NCKAP1: variants seen among roughly 807,000 people sequenced by gnomAD.
The protein encoded by NCKAP1 is NCK associated protein 1.
NCKAP1 carries 21 observed loss-of-function variants against 151.2 expected under a neutral mutation model. The observed-to-expected ratio is 0.14, with a 90% CI of 0.10 to 0.20. NCKAP1 has a LOEUF of 0.20. NCKAP1 is among the 10% of genes least tolerant of loss of function. NCKAP1 has a pLI of 1.00. For missense variants in NCKAP1, 933 were observed against 1,352.1 expected, an observed-to-expected ratio of 0.69 and a Z score of 4.86; for synonymous variants, 484 against 451.8, an observed-to-expected ratio of 1.07 and a Z score of -0.90.
At chr2:182,948,410 C>T (rs73046211) in intron 23 of NCKAP1, among the ~76,000 whole-genome samples, 6,774 of 152,024 alleles carry the variant, frequency 0.045, 509 homozygotes, top group African/African-American at 0.15. Flanking sequence ...ACAGTCGTTC[C>T]GCATTCCCCT....
chr2:183,000,789 T>C (rs996998495), intron 6 of NCKAP1, among the ~76,000 whole-genome samples: 11 of 152,140 alleles, frequency 7.2e-5, no homozygotes, highest in Non-Finnish European at 1.5e-5. Context: ...GTGTTAACTG[T>C]ATGCCAAGAA....
intron 6 of NCKAP1, among the ~76,000 whole-genome samples, chr2:183,001,139 T>G (rs1698367030): frequency 1.3e-5 from 2 of 152,174 alleles, no homozygotes; most frequent in African/African-American, 4.8e-5. Flanking sequence ...TAGTTTAACT[T>G]TTATGATTCA....
At position 182,978,765 on chromosome 2, in the gene NCKAP1, A is replaced by C. The variant is rs1215775600; in HGVS notation, c.1423+69T>G. On this transcript the variant is annotated intron_variant, in intron 14 of 30. Transcript: ENST00000361354. ...CATTAGCCAAATTAATTGGTAAATT[A>C]TCTCCTTAATAATCAAGTTTGAAAA... 7 of 885,302 alleles carry C rather than the reference A, an allele frequency of 7.9e-6. No individual in the cohort carries two copies. In the South Asian group the frequency reaches 1.7e-4, roughly 22 times the overall value. The allele number at this position is 885,302 out of a possible 1,614,324, so 54.8% of individuals were successfully genotyped here. A position where few individuals can be genotyped will look rare whatever the true frequency, so the allele number is the denominator to read the frequency against.
At chr2:182,974,362 T>C (rs1191469532) in intron 15 of NCKAP1, among the ~76,000 whole-genome samples, 1 of 151,546 alleles carries the variant, frequency 6.6e-6, no homozygotes, top group Non-Finnish European at 1.5e-5. Flanking sequence ...TTGAATTGTA[T>C]CCCCGAAGAA....
chr2:183,003,016 T>C lies in NCKAP1; in HGVS notation c.327A>G (p.Glu109=). The change falls in exon 4 of 31, where the codon GAA becomes GAG. Residue 109 remains glutamate (E), a synonymous_variant. Coordinates refer to ENST00000361354, the MANE Select transcript of NCKAP1 (RefSeq NM_013436.5). ...GGCAAACGTCAATAGTATTCAGCAA[T>C]TCACAAACATGGTCCTGAAAAGAAA... ...DVMEFKDHVC[E]LLNTIDVCQV... The C allele has an allele frequency of 6.2e-7, 1 of 1,608,306 alleles. No individual in the cohort carries two copies. Among genetic ancestry groups the C allele is most frequent in the Non-Finnish European group, 8.5e-7 (1 of 1,176,204 alleles).
At chr2:182,928,694 G>C in intron 28 of NCKAP1, 89 bp downstream of exon 28, 2 of 829,080 alleles carry the variant, frequency 2.4e-6, no homozygotes, top group Non-Finnish European at 3.8e-6. Flanking sequence ...TCCACTGCCA[G>C]TTAGTGGCAG....
Position 183,004,361 on chromosome 2 carries a change from GGAAGATGCA to G in NCKAP1, c.220-1045_220-1037del, listed in dbSNP as rs1167875962. 2.6e-5 allele frequency among the ~76,000 whole-genome samples: 4 copies of G among 151,970 alleles called. No individual in the cohort carries two copies. In the East Asian group the frequency reaches 7.7e-4, roughly 29 times the overall value. On this transcript the variant is annotated intron_variant, in intron 2 of 30. Coordinates refer to ENST00000361354, the MANE Select transcript of NCKAP1 (RefSeq NM_013436.5). ...TGAATTACACTCAGGAACGTTAGGG[GGAAGATGCA>G]TCCATACATAATTGTACTGAACCAC...
intron 15 of NCKAP1, among the ~76,000 whole-genome samples, chr2:182,971,191 G>A (rs983074259): frequency 4.6e-5 from 7 of 151,424 alleles, no homozygotes; most frequent in African/African-American, 1.7e-4. Flanking sequence ...TCAGGAGATC[G>A]AGACCATCCC....
chr2:182,933,550 C>T (rs545856223), intron 26 of NCKAP1, among the ~76,000 whole-genome samples: 29 of 152,040 alleles, frequency 1.9e-4, no homozygotes, highest in African/African-American at 6.5e-4. Context: ...TGCACTGTCA[C>T]GCCTGGCTAA....
chr2:183,015,158 C>G (rs1219267490), intron 2 of NCKAP1, among the ~76,000 whole-genome samples: 1 of 151,908 alleles, frequency 6.6e-6, no homozygotes, highest in Non-Finnish European at 1.5e-5. Context: ...AAATATATAG[C>G]ACATAAGATG....
rs770753573 is a variant in NCKAP1, at chr2:182,952,937, T to C, written c.2373-14A>G. The C allele has an allele frequency of 3.1e-6, 5 of 1,603,982 alleles. No individual in the cohort carries two copies. Among genetic ancestry groups the C allele is most frequent in the Non-Finnish European group, 4.2e-6 (5 of 1,176,484 alleles). ...GTTTCCAAATACCTAAGGAGAAACG[T>C]AAACTTATAACCGGAAGAAACTGCT... On this transcript the variant is annotated splice_polypyrimidine_tract_variant and intron_variant, in intron 21 of 30. Coordinates refer to ENST00000361354, the MANE Select transcript of NCKAP1 (RefSeq NM_013436.5).
intron 15 of NCKAP1, among the ~76,000 whole-genome samples, chr2:182,976,126 T>G (rs1190922900): frequency 6.6e-6 from 1 of 152,152 alleles, no homozygotes; most frequent in African/African-American, 2.4e-5. Flanking sequence ...AATATATGGA[T>G]TTTTAAAACA....
chr2:183,028,120 T>C (rs199889495), intron 1 of NCKAP1, among the ~76,000 whole-genome samples: 8 of 150,140 alleles, frequency 5.3e-5, no homozygotes, highest in Admixed American at 3.3e-4. Context: ...CTCCCAAAAA[T>C]AGAAAAAAAG....
At chr2:182,951,960 A>C (rs930795790) in intron 23 of NCKAP1, among the ~76,000 whole-genome samples, 21 of 152,168 alleles carry the variant, frequency 1.4e-4, no homozygotes, top group Admixed American at 6.5e-5. Flanking sequence ...TTCAACTTAG[A>C]GGGCATAAGA....
intron 8 of NCKAP1, among the ~76,000 whole-genome samples, chr2:182,991,182 G>A (rs550702144): frequency 6.6e-6 from 1 of 152,160 alleles, no homozygotes; most frequent in Non-Finnish European, 1.5e-5. Context: ...CAAGTTAAAA[G>A]TGTTTGTTTT....
At chr2:182,977,631 C>T (rs1697853238) in intron 14 of NCKAP1, among the ~76,000 whole-genome samples, 1 of 152,098 alleles carries the variant, frequency 6.6e-6, no homozygotes, top group Admixed American at 6.6e-5. Flanking sequence ...CTCTGTGATT[C>T]CACTTATATG....
In NCKAP1 at chr2:183,009,483, C is replaced by G. The variant is rs940602723; in HGVS notation, c.220-6158G>C. Among the ~76,000 whole-genome samples the G allele has an allele frequency of 6.4e-4, 88 of 138,178 alleles. 1 individual carries two copies. The highest frequency in any genetic ancestry group is 9.8e-4 in the Non-Finnish European group (60 of 61,476). 90.7% of individuals were successfully genotyped at this position (138,178 alleles called of 152,430 possible). On this transcript the variant is annotated intron_variant, in intron 2 of 30. Transcript: ENST00000361354. ...GGAAGGAAGGAAGGAAGGAAGCAAG[C>G]AAGCAAGCAGGCAAGCAAGCAAGGT... is the stretch of plus-strand genomic sequence containing the variant.
In NCKAP1 at chr2:183,038,007, G is replaced by C. The variant is rs140830214; in HGVS notation, c.93C>G (p.Leu31=). ...NDRGVGMLTR[L]YNIKKACGDP... is the part of the protein sequence containing the mutation. Reference sequence around the variant, plus strand: ...CCGTGCGCACCTTCTTGATGTTGTAGAGGCGGGTGAGCATGCCGACGCCCC... The same window carrying C: ...CCGTGCGCACCTTCTTGATGTTGTACAGGCGGGTGAGCATGCCGACGCCCC... The change falls in exon 1 of 31, where the codon CTC becomes CTG. Residue 31 remains leucine (L), a synonymous_variant. Transcript: ENST00000361354. The C allele has an allele frequency of 1.4e-4, 224 of 1,576,756 alleles. 1 individual carries two copies. The highest frequency in any genetic ancestry group is 2.7e-5 in the Non-Finnish European group (32 of 1,168,562).
At chr2:182,981,578 A>T (rs1697939730) in intron 12 of NCKAP1, among the ~76,000 whole-genome samples, 1 of 152,128 alleles carries the variant, frequency 6.6e-6, no homozygotes, top group Non-Finnish European at 1.5e-5. Context: ...AAAGAAAAAA[A>T]GTTAAAGCTA....
Sources: allele counts gnomAD v4.1 joint callset (sites outside exome capture counted in the v4.1 genomes callset), GRCh38; gene constraint gnomAD v4.1.1; transcripts MANE v1.5; gene names NCBI Gene and HGNC (gene_info 2026-07-23, HGNC 2026-07-21).